Variants in MRPS22 observed in about 807,000 individuals in gnomAD.
The protein encoded by MRPS22 is small ribosomal subunit protein mS22.
Under a neutral mutation model 44.0 loss-of-function variants are expected in MRPS22, and 30 were observed. That is an observed-to-expected ratio of 0.68 (90% CI 0.51 to 0.93). The LOEUF is 0.93. Among genes scored for constraint, MRPS22 ranks in the 40% least tolerant of loss-of-function variants. The pLI, the probability that MRPS22 is intolerant of heterozygous loss-of-function variation, is 0.00. For synonymous variants in MRPS22, 165 were observed against 154.4 expected (o/e 1.07, Z -0.51); for missense variants, 447 against 447.8 (o/e 1.00, Z 0.02).
chr3:139,350,502 A>C, intron 4 of MRPS22, 180 bp downstream of exon 4: 1 of 622,022 alleles, frequency 1.6e-6, no homozygotes, highest in East Asian at 3.1e-5. Context: ...ATCTCAGCTC[A>C]CTGCAACCTC....
chr3:139,348,046 A>G (rs957525788), intron 2 of MRPS22, 114 bp from the exon 3 acceptor site: 4 of 1,105,026 alleles, frequency 3.6e-6, no homozygotes, highest in Non-Finnish European at 4.0e-6. Context: ...ATTTGTGGCT[A>G]CACCTTCTTT....
intron 3 of MRPS22, 145 bp from the exon 4 acceptor site, chr3:139,350,034 A>G: frequency 1.1e-6 from 1 of 901,672 alleles, no homozygotes; most frequent in South Asian, 1.5e-5. Context: ...CAAGTCTTTG[A>G]GGTTTAAAAT....
At chr3:139,350,090 C>T in intron 3 of MRPS22, 89 bp from the exon 4 acceptor site, 1 of 1,483,098 alleles carries the variant, frequency 6.7e-7, no homozygotes, top group Non-Finnish European at 9.4e-7. Context: ...TTGTTGATTG[C>T]AAATTATTCT....
At chr3:139,346,513 T>C (rs1325515736) in intron 1 of MRPS22, among the ~76,000 whole-genome samples, 1 of 152,186 alleles carries the variant, frequency 6.6e-6, no homozygotes, top group African/African-American at 2.4e-5. Context: ...TAAAATTGGG[T>C]TTATCAGTAC....
In MRPS22 at chr3:139,356,915, A is replaced by G. The variant is rs1302440601; in HGVS notation, c.988-4A>G. 6.2e-7 allele frequency: 1 copy of G among 1,607,630 alleles called. No homozygotes were observed. ...TTTTAAAATTTTCTTTTTAATTTAA[A>G]CAGGTCTTTGCAAAAACAGAAGCAC... On this transcript the variant is annotated splice_region_variant and splice_polypyrimidine_tract_variant and intron_variant, in intron 7 of 7. Coordinates refer to ENST00000680020, the MANE Select transcript of MRPS22 (RefSeq NM_020191.4).
intron 1 of MRPS22, 34 bp downstream of exon 1, chr3:139,344,232 C>T (rs187481198): frequency 6.4e-6 from 10 of 1,572,116 alleles, no homozygotes; most frequent in East Asian, 2.3e-5. Flanking sequence ...CTGGGGCGTT[C>T]TTCTGGGAGA....
At chr3:139,346,694 CATA>C (rs1390176314) in intron 1 of MRPS22, among the ~76,000 whole-genome samples, 181 bp from the exon 2 acceptor site, 1 of 152,346 alleles carries the variant, frequency 6.6e-6, no homozygotes, top group African/African-American at 2.4e-5. Context: ...ATCTCCTCAT[CATA>C]ATGAGTGCTC....
At chr3:139,350,461 C>T in intron 4 of MRPS22, 139 bp downstream of exon 4, 1 of 979,058 alleles carries the variant, frequency 1.0e-6, no homozygotes. Context: ...GAGTTTCGCT[C>T]CTTTTGCCCA....
chr3:139,350,410 C>A lies in MRPS22; in HGVS notation c.648+88C>A. 5.0e-6 allele frequency: 7 copies of A among 1,394,076 alleles called. No individual in the cohort carries two copies. In the East Asian group the frequency reaches 6.9e-5, roughly 14 times the overall value. The allele number at this position is 1,394,076 out of a possible 1,614,324, so 86.4% of individuals were successfully genotyped here. ...GGCTTTGTGCCTTGATCCAGATAAA[C>A]ATTTCTAATGATAACTTGACTTTTT... On this transcript the variant is annotated intron_variant, in intron 4 of 7. Coordinates refer to ENST00000680020, the MANE Select transcript of MRPS22 (RefSeq NM_020191.4).
intron 7 of MRPS22, among the ~76,000 whole-genome samples, chr3:139,356,341 T>C (rs1941262133): frequency 6.6e-6 from 1 of 152,210 alleles, no homozygotes; most frequent in African/African-American, 2.4e-5. Flanking sequence ...GAGATGATAT[T>C]TTCAGGAAGG....
At chr3:139,349,000 T>C (rs970508333) in intron 3 of MRPS22, 14 of 247,182 alleles carry the variant, frequency 5.7e-5, no homozygotes, top group Middle Eastern at 3.0e-3. Flanking sequence ...TAGAACACTA[T>C]AGAATGCTGA....
At chr3:139,346,684 A>C (rs902097782) in intron 1 of MRPS22, among the ~76,000 whole-genome samples, 194 bp from the exon 2 acceptor site, 2 of 152,262 alleles carry the variant, frequency 1.3e-5, no homozygotes, top group African/African-American at 4.8e-5. Flanking sequence ...GACCGAGTCT[A>C]TCTCCTCATC....
At chr3:139,353,391 T>A (rs2107790638) in intron 6 of MRPS22, among the ~76,000 whole-genome samples, 1 of 152,328 alleles carries the variant, frequency 6.6e-6, no homozygotes, top group East Asian at 1.9e-4. Context: ...TTTTTGAGCA[T>A]CTTTCTATCA....
chr3:139,357,001 C>G lies in MRPS22; in HGVS notation c.1070C>G (p.Ser357Cys). 1.2e-6 allele frequency: 2 copies of G among 1,609,348 alleles called. No individual in the cohort carries two copies. The highest frequency in any genetic ancestry group is 1.3e-5 in the African/African-American group (1 of 74,926). ...TATCAAGAAGCACTCAGTCGCCATT[C>G]TGCAGCTTCCTAAAAATATTTTAAA... Reference protein sequence around the residue: ...QTYQEALSRHSAAS With the variant: ...QTYQEALSRHCAAS Residue 357 changes from serine (S) to cysteine (C), a missense_variant, in exon 8 of 8, where the codon TCT (serine) becomes TGT (cysteine). Transcript: ENST00000680020.
chr3:139,350,851 C>T (rs17316181), intron 4 of MRPS22, 126 bp from the exon 5 acceptor site: 2 of 778,468 alleles, frequency 2.6e-6, no homozygotes, highest in East Asian at 5.1e-5. Context: ...AGCCTGTGTT[C>T]TTTCTTTATG....
rs1426412917 is a variant in MRPS22 at position 139,348,168 on chromosome 3, A to G, written c.348A>G (p.Arg116=). 4 of 1,613,996 alleles carry G rather than the reference A, an allele frequency of 2.5e-6. No homozygotes were observed. Among genetic ancestry groups the G allele is most frequent in the Admixed American group, 3.3e-5 (2 of 60,002 alleles). The change falls in exon 3 of 8, where the codon AGA becomes AGG. Residue 116 remains arginine, a synonymous_variant. Coordinates refer to ENST00000680020, the MANE Select transcript of MRPS22 (RefSeq NM_020191.4). The part of the protein sequence containing the change: ...MTQAQLEEAT[R]QAVEAAKVRL... ...ATATTTTCTTTCATTAGGCTACAAG[A>G]CAGGCAGTTGAGGCAGCTAAAGTAC... is the stretch of plus-strand genomic sequence containing the variant.
chr3:139,348,688 G>T (rs1256156370), intron 3 of MRPS22, among the ~76,000 whole-genome samples: 1 of 152,198 alleles, frequency 6.6e-6, no homozygotes, highest in Admixed American at 6.5e-5. Context: ...TTCTTTAGCT[G>T]AAGCTTTTTG....
chr3:139,347,879 C>A (rs540111317), intron 2 of MRPS22, among the ~76,000 whole-genome samples: 29 of 152,202 alleles, frequency 1.9e-4, no homozygotes, highest in Non-Finnish European at 3.5e-4. Flanking sequence ...AAACTGCATT[C>A]TTTTATTCTG....
rs750113664 is a variant in MRPS22 at position 139,351,027 on chromosome 3, C to T, written c.699C>T (p.Ala233=). The T allele has an allele frequency of 6.2e-7, 1 of 1,614,036 alleles. No homozygotes were observed. The highest frequency in any genetic ancestry group is 1.7e-5 in the Admixed American group (1 of 60,006). ...TTGATGTCCTCAATCTCTGCTTTGC[C>T]CAGTTTGAGCCAGATTCCACAGAGT... ...RHVDVLNLCF[A]QFEPDSTEYI... is the part of the protein sequence containing the mutation. The change falls in exon 5 of 8, where the codon GCC becomes GCT. Residue 233 remains alanine, a synonymous_variant. Transcript: ENST00000680020.
Sources: allele counts gnomAD v4.1 joint callset (sites outside exome capture counted in the v4.1 genomes callset), GRCh38; gene constraint gnomAD v4.1.1; transcripts MANE v1.5; gene names NCBI Gene and HGNC (gene_info 2026-07-23, HGNC 2026-07-21).